Variants in PYM1 observed in about 807,000 individuals in gnomAD.
The protein encoded by PYM1 is PYM1 exon junction complex associated factor.
PYM1 carries 7 observed loss-of-function variants against 20.7 expected under a neutral mutation model. The ratio of observed to expected loss-of-function variants is 0.34; its 90% CI spans 0.19 to 0.64. PYM1 has a LOEUF of 0.64. PYM1 is among the 30% of genes least tolerant of loss of function. PYM1 has a pLI of 0.74. For missense variants in PYM1, 194 were observed against 250.0 expected (o/e 0.78, Z 1.51); for synonymous variants, 100 against 99.2 (o/e 1.01, Z -0.05).
chr12:55,916,504 T>G (rs907200436), intron 1 of PYM1, among the ~76,000 whole-genome samples: 1 of 151,284 alleles, frequency 6.6e-6, no homozygotes, highest in Non-Finnish European at 1.5e-5. Flanking sequence ...AATACTACAT[T>G]TAAAAGTAGT....
chr12:55,903,793 A>G (rs1312665103), intron 1 of PYM1, among the ~76,000 whole-genome samples: 1 of 151,844 alleles, frequency 6.6e-6, no homozygotes, highest in Non-Finnish European at 1.5e-5. Flanking sequence ...GTAAATGAAC[A>G]AGAGGCTAAA....
chr12:55,910,529 G>T (rs1044122048), intron 1 of PYM1, among the ~76,000 whole-genome samples: 2 of 151,946 alleles, frequency 1.3e-5, no homozygotes, highest in Non-Finnish European at 2.9e-5. Flanking sequence ...TGCAACCTCC[G>T]CCTCCTGGGT....
intron 1 of PYM1, among the ~76,000 whole-genome samples, chr12:55,911,346 A>G (rs1364456581): frequency 6.6e-6 from 1 of 151,880 alleles, no homozygotes; most frequent in African/African-American, 2.4e-5. Flanking sequence ...TCCTGACCTC[A>G]TGTGATCCAC....
Position 55,902,102 on chromosome 12 carries a change from G to T in PYM1, c.385C>A (p.Gln129Lys). The change falls in exon 3 of 3, where the codon CAG becomes AAG. Residue 129 changes from glutamine (Q) to lysine (K), a missense_variant. By Grantham distance (53) the Gln-to-Lys change is moderately conservative. Around this residue, in one of 3 missense-constraint regions of PYM1, gnomAD observed 158 missense variants for 179.0 expected, o/e 0.88. Coordinates refer to ENST00000408946, the MANE Select transcript of PYM1 (RefSeq NM_032345.3). The stretch of plus-strand genomic sequence containing the variant: ...GCTGTGGGGGCTGCCCGAGAGCCCT[G>T]TGGAGCACTGGGGAGTTGGGCTGTC... ...EETAQLPSAP[Q>K]GSRAAPTAAS... is the part of the protein sequence containing the mutation. 6.2e-7 allele frequency: 1 copy of T among 1,614,138 alleles called. No homozygotes were observed. The highest frequency in any genetic ancestry group is 1.3e-5 in the African/African-American group (1 of 75,042).
At chr12:55,917,817 G>C (rs1001653036) in intron 1 of PYM1, among the ~76,000 whole-genome samples, 3 of 151,930 alleles carry the variant, frequency 2.0e-5, no homozygotes, top group East Asian at 3.9e-4. Context: ...AAACTCAGCC[G>C]GTCATGGTGG....
In PYM1 at chr12:55,915,852, G is replaced by A. The variant is rs140961368; in HGVS notation, c.37+11873C>T. 7.5e-4 allele frequency among the ~76,000 whole-genome samples: 114 copies of A among 152,270 alleles called. 1 individual carries two copies. The highest frequency in any genetic ancestry group is 2.6e-3 in the African/African-American group (108 of 41,560). Reference sequence around the variant, plus strand: ...TTCTGCAGGCAGAGAAAAGGGAAAGGGGATAAGAGGAACAACAAAAGCAAA... The same window carrying A: ...TTCTGCAGGCAGAGAAAAGGGAAAGAGGATAAGAGGAACAACAAAAGCAAA... On this transcript the variant is annotated intron_variant, in intron 1 of 2. Coordinates refer to ENST00000408946, the MANE Select transcript of PYM1 (RefSeq NM_032345.3).
chr12:55,917,191 G>A (rs1883022337), intron 1 of PYM1, among the ~76,000 whole-genome samples: 1 of 151,506 alleles, frequency 6.6e-6, no homozygotes, highest in African/African-American at 2.4e-5. Context: ...AGACCAAGAC[G>A]GGTGGATCAC....
intron 1 of PYM1, among the ~76,000 whole-genome samples, chr12:55,906,613 C>T (rs1033880145): frequency 3.3e-5 from 5 of 152,028 alleles, no homozygotes; most frequent in East Asian, 1.9e-4. Flanking sequence ...CTTTGAGAAT[C>T]GCTGATATAG....
At chr12:55,908,791 G>A (rs1481323921) in intron 1 of PYM1, among the ~76,000 whole-genome samples, 1 of 152,056 alleles carries the variant, frequency 6.6e-6, no homozygotes, top group Non-Finnish European at 1.5e-5. Flanking sequence ...GGCGGAGGCT[G>A]CAGTGAGCCA....
intron 1 of PYM1, among the ~76,000 whole-genome samples, chr12:55,918,361 A>G (rs1037719727): frequency 6.6e-6 from 1 of 152,018 alleles, no homozygotes; most frequent in African/African-American, 2.4e-5. Flanking sequence ...CGGCCTCCCA[A>G]AGTGCTGGGA....
At position 55,916,494 on chromosome 12, in the gene PYM1, A is replaced by G. The variant is rs79157899; in HGVS notation, c.37+11231T>C. ...TATGGGCAAAAACATAGCATGTGAT[A>G]ATACTACATTTAAAAGTAGTCAGCC... On this transcript the variant is annotated intron_variant, in intron 1 of 2. Coordinates refer to ENST00000408946, the MANE Select transcript of PYM1 (RefSeq NM_032345.3). 2.2e-3 allele frequency among the ~76,000 whole-genome samples: 339 copies of G among 152,102 alleles called. 6 individuals carry two copies. The East Asian group carries it at 0.051, about 23-fold the overall frequency.
intron 1 of PYM1, among the ~76,000 whole-genome samples, chr12:55,911,862 G>A (rs1371706103): frequency 2.0e-5 from 3 of 151,324 alleles, no homozygotes; most frequent in South Asian, 2.1e-4. Flanking sequence ...GGGGAGGGGA[G>A]GGGAGGGGAG....
chr12:55,927,805 T>C lies in PYM1; in HGVS notation c.-44A>G. 1.3e-6 allele frequency: 2 copies of C among 1,532,608 alleles called. No individual in the cohort carries two copies. Among genetic ancestry groups the C allele is most frequent in the Non-Finnish European group, 1.7e-6 (2 of 1,143,644 alleles). The allele number at this position is 1,532,608 out of a possible 1,614,324, so 94.9% of individuals were successfully genotyped here. ...CCAGGTTGGGCGGGCGGCCCTGGCC[T>C]GGCTCTGCCCCGCTGGGCGGCGCCG... On this transcript the variant is annotated 5_prime_UTR_variant, in exon 1 of 3. Coordinates refer to ENST00000408946, the MANE Select transcript of PYM1 (RefSeq NM_032345.3).
intron 1 of PYM1, 94 bp downstream of exon 1, chr12:55,927,631 G>A (rs1449070754): frequency 3.4e-6 from 5 of 1,478,044 alleles, no homozygotes; most frequent in Non-Finnish European, 4.6e-6. Flanking sequence ...TGGGGAGGTC[G>A]AATTCGTGTG....
intron 1 of PYM1, among the ~76,000 whole-genome samples, chr12:55,910,559 C>T (rs1464284328): frequency 6.6e-6 from 1 of 152,200 alleles, no homozygotes; most frequent in East Asian, 1.9e-4. Context: ...TCTCTTGCCT[C>T]AGTCTCCCGA....
At position 55,910,252 on chromosome 12, in the gene PYM1, C is replaced by CATAT. The variant is rs71074876; in HGVS notation, c.38-6776_38-6773dup. On this transcript the variant is annotated intron_variant, in intron 1 of 2. Coordinates refer to ENST00000408946, the MANE Select transcript of PYM1 (RefSeq NM_032345.3). ...GCTTGAGGTACGGCTTGGTTTTATACATATATATATATATATATATATATA... is the reference window on the plus strand; with the variant it reads ...GCTTGAGGTACGGCTTGGTTTTATACATATATATATATATATATATATATATATA... Among the ~76,000 whole-genome samples the CATAT allele has an allele frequency of 3.8e-3, 549 of 142,672 alleles. 13 individuals carry two copies. The highest frequency in any genetic ancestry group is 0.022 in the Admixed American group (301 of 13,816). The allele number at this position is 142,672 out of a possible 152,430, so 93.6% of individuals were successfully genotyped here. A position where few individuals can be genotyped will look rare whatever the true frequency, so the allele number is the denominator to read the frequency against.
chr12:55,902,584 TCTC>T (rs1257219404), intron 2 of PYM1, among the ~76,000 whole-genome samples: 1 of 151,720 alleles, frequency 6.6e-6, no homozygotes, highest in Non-Finnish European at 1.5e-5. Context: ...TTCAAGCAAT[TCTC>T]CTGCCTCAGC....
chr12:55,918,092 CTTT>C (rs1370515001), intron 1 of PYM1, among the ~76,000 whole-genome samples: 1 of 143,410 alleles, frequency 7.0e-6, no homozygotes, highest in Admixed American at 7.0e-5. Flanking sequence ...TACACATTTT[CTTT>C]TTTTTTTTTT....
chr12:55,915,393 T>C (rs1399432325), intron 1 of PYM1, among the ~76,000 whole-genome samples: 2 of 150,382 alleles, frequency 1.3e-5, no homozygotes, highest in Non-Finnish European at 3.0e-5. Context: ...GACTACAAAT[T>C]AAACAAAATA....
Sources: gnomAD v4.1 joint callset for allele counts (sites outside exome capture counted in the v4.1 genomes callset) on GRCh38, gnomAD v4.1.1 for gene constraint, gnomAD v4.1.1 regional missense constraint, MANE v1.5 for transcripts, NCBI Gene and HGNC (gene_info 2026-07-23, HGNC 2026-07-21) for gene names.